The following SMARCAD1 variants were observed in gnomAD, a reference collection of about 807,000 sequenced individuals.
SMARCAD1 encodes the protein SNF2 related chromatin remodeling ATPase with DExD box 1.
A neutral mutation model predicts 127.1 loss-of-function variants in SMARCAD1; 25 were observed. The observed-to-expected ratio is 0.20, with a 90% CI of 0.14 to 0.27. The LOEUF (loss-of-function observed/expected upper bound fraction) is 0.27. SMARCAD1 is among the 10% of genes least tolerant of loss of function. SMARCAD1 has a pLI of 1.00. For missense variants in SMARCAD1, 807 were observed against 1,206.0 expected, an observed-to-expected ratio of 0.67 and a Z score of 4.90; for synonymous variants, 400 against 396.9, an observed-to-expected ratio of 1.01 and a Z score of -0.09.
At chr4:94,237,076 C>A in intron 5 of SMARCAD1, 58 bp downstream of exon 5, 1 of 1,307,298 alleles carries the variant, frequency 7.6e-7, no homozygotes, top group Non-Finnish European at 1.1e-6. Context: ...AATAATAGTA[C>A]CTTCTCATTA....
chr4:94,262,364 A>G (rs924867075), intron 9 of SMARCAD1, among the ~76,000 whole-genome samples: 2 of 152,148 alleles, frequency 1.3e-5, no homozygotes, highest in Admixed American at 1.3e-4. Context: ...TCATCTCCCC[A>G]CACTTAATGG....
chr4:94,234,167 T>G, intron 4 of SMARCAD1, 45 bp downstream of exon 4: 3 of 1,525,280 alleles, frequency 2.0e-6, no homozygotes, highest in Non-Finnish European at 2.7e-6. Context: ...ATAAAATCTC[T>G]CCTGCATTCA....
chr4:94,283,473 C>T (rs573332281), intron 22 of SMARCAD1, among the ~76,000 whole-genome samples, 170 bp downstream of exon 22: 1 of 152,298 alleles, frequency 6.6e-6, no homozygotes, highest in African/African-American at 2.4e-5. Flanking sequence ...CTACGTAACC[C>T]TTCCATTTTC....
intron 19 of SMARCAD1, among the ~76,000 whole-genome samples, chr4:94,279,763 A>C (rs1217250116): frequency 2.6e-5 from 4 of 152,044 alleles, no homozygotes; most frequent in African/African-American, 9.7e-5. Context: ...TTTCTTTATA[A>C]TTTTAGCAAT....
chr4:94,260,636 G>A (rs1383149193), intron 9 of SMARCAD1, among the ~76,000 whole-genome samples: 2 of 152,074 alleles, frequency 1.3e-5, no homozygotes, highest in African/African-American at 4.8e-5. Context: ...ATGCTGGCCT[G>A]CAAAAATAAT....
chr4:94,226,507 ATTT>A (rs60198579), intron 3 of SMARCAD1, among the ~76,000 whole-genome samples: 19,518 of 112,936 alleles, frequency 0.17, 1,455 homozygotes, highest in Middle Eastern at 0.2. Context: ...GATAACAGTG[ATTT>A]TTTTTTTTTT....
intron 5 of SMARCAD1, 122 bp from the exon 6 acceptor site, chr4:94,240,784 T>G: frequency 1.4e-6 from 1 of 720,760 alleles, no homozygotes; most frequent in Non-Finnish European, 2.5e-6. Context: ...CAACAAACAC[T>G]GGGCCTGATA....
chr4:94,285,447 T>C (rs1000667691), intron 23 of SMARCAD1, among the ~76,000 whole-genome samples: 1 of 152,188 alleles, frequency 6.6e-6, no homozygotes, highest in African/African-American at 2.4e-5. Flanking sequence ...TTCTTTCTTT[T>C]ATGGGAGAAA....
intron 6 of SMARCAD1, among the ~76,000 whole-genome samples, chr4:94,246,674 C>T (rs919993559): frequency 6.6e-6 from 1 of 152,126 alleles, no homozygotes; most frequent in African/African-American, 2.4e-5. Context: ...CTGACCAGTA[C>T]CATTGAAAAT....
intron 6 of SMARCAD1, 145 bp from the exon 7 acceptor site, chr4:94,249,509 T>C (rs1748949217): frequency 9.6e-6 from 6 of 623,682 alleles, no homozygotes; most frequent in Non-Finnish European, 1.4e-5. Context: ...TATGTCAATG[T>C]TCACAGAAAC....
At chr4:94,275,068 TG>T in intron 14 of SMARCAD1, 103 bp downstream of exon 14, 1 of 851,526 alleles carries the variant, frequency 1.2e-6, no homozygotes, top group Admixed American at 1.9e-5. Context: ...CTGTTAACTG[TG>T]ATACGAAAGT....
Position 94,240,890 on chromosome 4 carries a change from T to A in SMARCAD1, c.605-16T>A. ...ATTTCTGTGCAAAGTTTGAGTGTGC[T>A]GCTCTGCTTTAAAAGGTGGTGGGCC... On this transcript the variant is annotated splice_polypyrimidine_tract_variant and intron_variant, in intron 5 of 23. Transcript: ENST00000354268. 6.3e-7 allele frequency: 1 copy of A among 1,597,612 alleles called. No homozygotes were observed. Among genetic ancestry groups the A allele is most frequent in the Non-Finnish European group, 8.6e-7 (1 of 1,165,396 alleles).
intron 22 of SMARCAD1, among the ~76,000 whole-genome samples, chr4:94,283,995 T>A (rs1490414861): frequency 6.6e-6 from 1 of 151,622 alleles, no homozygotes; most frequent in Non-Finnish European, 1.5e-5. Flanking sequence ...TTTAGATGAA[T>A]GGTACATTTT....
chr4:94,287,790 T>A (rs1027540898), intron 23 of SMARCAD1, among the ~76,000 whole-genome samples: 2 of 151,940 alleles, frequency 1.3e-5, no homozygotes, highest in Non-Finnish European at 2.9e-5. Flanking sequence ...ACTTTAAAAA[T>A]ATATATATAT....
intron 21 of SMARCAD1, 30 bp from the exon 22 acceptor site, chr4:94,283,091 G>T: frequency 6.3e-7 from 1 of 1,576,328 alleles, no homozygotes; most frequent in South Asian, 1.1e-5. Context: ...ACTTTTTAGT[G>T]AGATTTAACC....
Position 94,208,604 on chromosome 4 carries a change from T to C in SMARCAD1, c.190+20T>C. ...AAACAGGTGAGTTACAATGTTAAAATTGATGTAACATCAAGGACAGTTTTT... is the reference window on the plus strand; with the variant it reads ...AAACAGGTGAGTTACAATGTTAAAACTGATGTAACATCAAGGACAGTTTTT... On this transcript the variant is annotated intron_variant, in intron 2 of 23. Transcript: ENST00000354268. 1 of 1,607,008 alleles carries C rather than the reference T, an allele frequency of 6.2e-7. No homozygotes were observed. The highest frequency in any genetic ancestry group is 8.5e-7 in the Non-Finnish European group (1 of 1,173,696).
chr4:94,290,919 C>CT lies in SMARCAD1; in HGVS notation c.*1387dup, dbSNP rs764897871. ...CTGGATTTGGAAGGCAAATAAAACT[C>CT]TTACAGTGATTATTTAGATATTAAA... On this transcript the variant is annotated 3_prime_UTR_variant, in exon 24 of 24. Transcript: ENST00000354268. 1.0e-3 allele frequency: 455 copies of CT among 453,956 alleles called. 7 individuals are homozygous for CT. The Admixed American group carries it at 0.011, about 10-fold the overall frequency. The allele number at this position is 453,956 out of a possible 1,614,324, so 28.1% of individuals were successfully genotyped here.
chr4:94,208,698 C>A (rs1387069880), intron 2 of SMARCAD1, 114 bp downstream of exon 2: 1 of 1,027,576 alleles, frequency 9.7e-7, no homozygotes, highest in Non-Finnish European at 1.5e-6. Context: ...CATTGTCCTG[C>A]GGTGTGCCCT....
Sources: gnomAD v4.1 joint callset for allele counts (sites outside exome capture counted in the v4.1 genomes callset) on GRCh38, gnomAD v4.1.1 for gene constraint, MANE v1.5 for transcripts, NCBI Gene and HGNC (gene_info 2026-07-23, HGNC 2026-07-21) for gene names.